RALGAPA2: variants seen among roughly 807,000 people sequenced by gnomAD.
The protein encoded by RALGAPA2 is ral GTPase-activating protein subunit alpha-2.
Under a neutral mutation model 230.4 loss-of-function variants are expected in RALGAPA2, and 139 were observed. The observed-to-expected ratio is 0.60, with a 90% CI of 0.53 to 0.69. The LOEUF (loss-of-function observed/expected upper bound fraction) is 0.69. RALGAPA2 is among the 30% of genes least tolerant of loss of function. RALGAPA2 has a pLI of 0.00. For missense variants in RALGAPA2, 2,163 were observed against 2,276.0 expected, an observed-to-expected ratio of 0.95 and a Z score of 1.01; for synonymous variants, 847 against 837.8, an observed-to-expected ratio of 1.01 and a Z score of -0.19.
intron 3 of RALGAPA2, among the ~76,000 whole-genome samples, chr20:20,654,188 T>C (rs1032625708): frequency 5.9e-5 from 9 of 152,184 alleles, no homozygotes; most frequent in African/African-American, 2.2e-4. Flanking sequence ...TGAGATCATG[T>C]AGTATCTTTT....
chr20:20,447,209 G>C (rs886129520), intron 37 of RALGAPA2, among the ~76,000 whole-genome samples: 6 of 152,150 alleles, frequency 3.9e-5, no homozygotes, highest in Non-Finnish European at 8.8e-5. Flanking sequence ...TGGCAGTATT[G>C]AGAATTTGCT....
intron 37 of RALGAPA2, among the ~76,000 whole-genome samples, chr20:20,418,746 T>A (rs2060217158): frequency 6.6e-6 from 1 of 151,740 alleles, no homozygotes; most frequent in Admixed American, 6.6e-5. Flanking sequence ...CATTATTTAT[T>A]TATTTATTTA....
At chr20:20,541,075 T>TTA (rs397712016) in intron 24 of RALGAPA2, among the ~76,000 whole-genome samples, 2 of 151,332 alleles carry the variant, frequency 1.3e-5, no homozygotes, top group African/African-American at 4.9e-5. Context: ...TTTTTTTTTT[T>TTA]ACGTATACAA....
intron 35 of RALGAPA2, among the ~76,000 whole-genome samples, chr20:20,495,659 TA>T (rs2062185311): frequency 6.6e-6 from 1 of 152,256 alleles, no homozygotes; most frequent in East Asian, 1.9e-4. Flanking sequence ...TTGTGCTTTA[TA>T]AGATTCTCAA....
Position 20,695,127 on chromosome 20 carries a change from C to T in RALGAPA2, c.107-14326G>A, listed in dbSNP as rs143443622. On this transcript the variant is annotated intron_variant, in intron 1 of 39. Transcript: ENST00000202677. ...TTTCAACTTTGAAGAAATCTTAAGACCCAAACAATATATAAAAGAGTATCT... is the reference window on the plus strand; with the variant it reads ...TTTCAACTTTGAAGAAATCTTAAGATCCAAACAATATATAAAAGAGTATCT... Among the ~76,000 whole-genome samples, 130 of 152,146 alleles carry T rather than the reference C, an allele frequency of 8.5e-4. 1 individual carries two copies. In the East Asian group the frequency reaches 0.02, roughly 23 times the overall value.
intron 23 of RALGAPA2, among the ~76,000 whole-genome samples, chr20:20,561,196 T>G (rs2064247337): frequency 6.6e-6 from 1 of 152,230 alleles, no homozygotes; most frequent in South Asian, 2.1e-4. Context: ...ATTTAGTGTC[T>G]CCTGATGATG....
Position 20,712,267 on chromosome 20 carries a change from C to CA in RALGAPA2, c.106+107dup. The CA allele has an allele frequency of 6.5e-6, 5 of 768,302 alleles. No homozygotes were observed. Among genetic ancestry groups the CA allele is most frequent in the East Asian group, 4.4e-5 (1 of 22,662 alleles). The allele number at this position is 768,302 out of a possible 1,614,324, so 47.6% of individuals were successfully genotyped here. A position where few individuals can be genotyped will look rare whatever the true frequency, so the allele number is the denominator to read the frequency against. Reference sequence around the variant, plus strand: ...CAGGGAAGGGGGTCGGACGCCCACCCATCCCCCTCCCCAGCCTCCCAGCCA... The same window carrying CA: ...CAGGGAAGGGGGTCGGACGCCCACCCAATCCCCCTCCCCAGCCTCCCAGCCA... On this transcript the variant is annotated intron_variant, in intron 1 of 39. Transcript: ENST00000202677. This position sits in a 1 kb window ranked among gnomAD's most constrained non-coding sequence, Gnocchi z 5.5.
At chr20:20,420,704 T>C (rs2060258354) in intron 37 of RALGAPA2, among the ~76,000 whole-genome samples, 1 of 152,106 alleles carries the variant, frequency 6.6e-6, no homozygotes, top group Non-Finnish European at 1.5e-5. Flanking sequence ...GGACAGATAC[T>C]GGGCTCACAG....
At chr20:20,476,624 C>T (rs531181740) in intron 36 of RALGAPA2, among the ~76,000 whole-genome samples, 13 of 150,470 alleles carry the variant, frequency 8.6e-5, no homozygotes, top group Admixed American at 2.6e-4. Flanking sequence ...AAAATTGCCA[C>T]GACCTTAGGA....
At chr20:20,511,112 A>C in intron 33 of RALGAPA2, 142 bp downstream of exon 33, 2 of 1,331,084 alleles carry the variant, frequency 1.5e-6, no homozygotes, top group African/African-American at 1.5e-5. Context: ...ACGGTATGGC[A>C]TGCGCAAATG....
At chr20:20,582,761 T>A (rs1265228465) in intron 20 of RALGAPA2, among the ~76,000 whole-genome samples, 4 of 152,216 alleles carry the variant, frequency 2.6e-5, no homozygotes, top group Non-Finnish European at 5.9e-5. Flanking sequence ...TCAAAATACT[T>A]TATTTAAAAA....
chr20:20,635,760 A>G (rs969940754), intron 8 of RALGAPA2, 143 bp from the exon 9 acceptor site: 2 of 682,222 alleles, frequency 2.9e-6, no homozygotes, highest in Non-Finnish European at 2.3e-6. Flanking sequence ...ATTATTTAAA[A>G]TGGCATTTTT....
chr20:20,611,418 A>T lies in RALGAPA2; in HGVS notation c.1697T>A (p.Met566Lys), dbSNP rs1048604169. 6.2e-7 allele frequency: 1 copy of T among 1,612,278 alleles called. No individual in the cohort carries two copies. Among genetic ancestry groups the T allele is most frequent in the South Asian group, 1.1e-5 (1 of 90,818 alleles). ...TGTTATCCTGAGTAGTATTTGCAAC[A>T]TCTGTTCCCTGGGCCACCCAAAATA... ...LTMNKKTWEQ[M>K]LQILLRITEA... Residue 566 changes from methionine (M) to lysine (K), a missense_variant, in exon 14 of 40, where the codon ATG (methionine) becomes AAG (lysine). Transcript: ENST00000202677.
At position 20,416,282 on chromosome 20, in the gene RALGAPA2, T is replaced by C. The variant is rs965819564; in HGVS notation, c.5496-4134A>G. 2.6e-4 allele frequency among the ~76,000 whole-genome samples: 40 copies of C among 152,300 alleles called. 1 individual carries two copies. The East Asian group carries it at 7.5e-3, about 29-fold the overall frequency. ...TGCAGAAAGAATGTAGTAGGTAAGCTGGAGGAGAGTTCTGTGTCAGGCTCC... is the reference window on the plus strand; with the variant it reads ...TGCAGAAAGAATGTAGTAGGTAAGCCGGAGGAGAGTTCTGTGTCAGGCTCC... On this transcript the variant is annotated intron_variant, in intron 37 of 39. Transcript: ENST00000202677.
At position 20,712,366 on chromosome 20, in the gene RALGAPA2, G is replaced by T; in HGVS notation, c.106+9C>A. On this transcript the variant is annotated intron_variant, in intron 1 of 39. Coordinates refer to ENST00000202677, the MANE Select transcript of RALGAPA2 (RefSeq NM_020343.4). The surrounding 1 kb of genome is among the most constrained non-coding windows in gnomAD (Gnocchi z 5.5). The stretch of plus-strand genomic sequence containing the variant: ...GCGCCCCGACCCCCGCGCCCGGCGC[G>T]CGCCTCACCCAGCAGCGCCCGCAGG... 5 of 1,544,220 alleles carry T rather than the reference G, an allele frequency of 3.2e-6. No individual in the cohort carries two copies. Among genetic ancestry groups the T allele is most frequent in the Non-Finnish European group, 3.5e-6 (4 of 1,143,462 alleles).
chr20:20,571,734 A>G (rs908091671), intron 22 of RALGAPA2, 114 bp downstream of exon 22: 32 of 1,453,954 alleles, frequency 2.2e-5, no homozygotes, highest in Non-Finnish European at 1.9e-6. Flanking sequence ...CAGTTACTTT[A>G]GTAAGACCCA....
chr20:20,610,217 A>C (rs2065937483), intron 14 of RALGAPA2, among the ~76,000 whole-genome samples: 1 of 152,196 alleles, frequency 6.6e-6, no homozygotes, highest in African/African-American at 2.4e-5. Flanking sequence ...AGTCAAGTCC[A>C]TCCACTGTAC....
Position 20,572,877 on chromosome 20 carries a change from T to A in RALGAPA2, c.2899A>T (p.Lys967Ter). The A allele has an allele frequency of 6.5e-7, 1 of 1,526,788 alleles. No individual in the cohort carries two copies. Among genetic ancestry groups the A allele is most frequent in the Non-Finnish European group, 8.8e-7 (1 of 1,130,048 alleles). 94.6% of individuals were successfully genotyped at this position (1,526,788 alleles called of 1,614,324 possible). A position where few individuals can be genotyped will look rare whatever the true frequency, so the allele number is the denominator to read the frequency against. ...YLYELWYKLA[K>*]IRDNLAISLD... Reference sequence around the variant, plus strand: ...AAAAGTAACATAGCAGAACTTACCTTTGCTAGTTTGTACCAGAGTTCATAG... The same window carrying A: ...AAAAGTAACATAGCAGAACTTACCTATGCTAGTTTGTACCAGAGTTCATAG... Residue 967 changes from lysine to a stop codon, truncating the protein, a stop_gained and splice_region_variant, in exon 21 of 40, where the codon AAG (lysine) becomes TAG (stop). Transcript: ENST00000202677. LOFTEE classifies it high-confidence loss of function.
chr20:20,558,873 TAA>T (rs1238808107), intron 23 of RALGAPA2, among the ~76,000 whole-genome samples: 1 of 151,852 alleles, frequency 6.6e-6, no homozygotes, highest in East Asian at 1.9e-4. Flanking sequence ...CCCATGCATT[TAA>T]ACATGCTTCC....
Sources: gnomAD v4.1 joint callset for allele counts (sites outside exome capture counted in the v4.1 genomes callset) on GRCh38, gnomAD v4.1.1 for gene constraint, Gnocchi (gnomAD v3.1) non-coding constraint, MANE v1.5 for transcripts, NCBI Gene and HGNC (gene_info 2026-07-23, HGNC 2026-07-21) for gene names.